Variants in ADGRL3 observed in about 807,000 individuals in gnomAD.
ADGRL3 encodes the protein adhesion G protein-coupled receptor L3.
In ADGRL3, 62 loss-of-function variants were observed where a neutral mutation model predicts 153.5. That is an observed-to-expected ratio of 0.40 (90% CI 0.33 to 0.50). The LOEUF (loss-of-function observed/expected upper bound fraction) is 0.50. Among genes scored for constraint, ADGRL3 ranks in the 20% least tolerant of loss-of-function variants. The pLI is 0.47. For synonymous variants in ADGRL3, 710 were observed against 672.5 expected (o/e 1.06, Z -0.86); for missense variants, 1,641 against 1,859.4 (o/e 0.88, Z 2.16).
rs188976532 is a variant in ADGRL3, at chr4:62,058,533, C to A, written c.3815-9633C>A. On this transcript the variant is annotated intron_variant, in intron 25 of 26. Transcript: ENST00000683033. ...ACACTTGGTGTAGAGCAGTGAAAAC[C>A]CCTGTGTATTTCTTTTTCATGATGC... 3.1e-3 allele frequency among the ~76,000 whole-genome samples: 464 copies of A among 151,814 alleles called. 12 individuals carry two copies. The highest frequency in any genetic ancestry group is 5.9e-4 in the Non-Finnish European group (40 of 67,904).
At chr4:61,390,021 A>T (rs994940734) in intron 2 of ADGRL3, among the ~76,000 whole-genome samples, 2 of 152,230 alleles carry the variant, frequency 1.3e-5, no homozygotes, top group African/African-American at 4.8e-5. Flanking sequence ...ATTCATTTTT[A>T]ACAGAATTTT....
intron 2 of ADGRL3, among the ~76,000 whole-genome samples, chr4:61,413,062 C>A (rs1162174569): frequency 6.6e-6 from 1 of 152,114 alleles, no homozygotes; most frequent in Non-Finnish European, 1.5e-5. Flanking sequence ...GAGCTGGTTT[C>A]TTTTCTCACA....
Position 62,070,402 on chromosome 4 carries a change from A to C in ADGRL3, c.4126A>C (p.Ile1376Leu), listed in dbSNP as rs1289508905. 11 of 1,552,020 alleles carry C rather than the reference A, an allele frequency of 7.1e-6. No individual in the cohort carries two copies. The highest frequency in any genetic ancestry group is 9.6e-6 in the Non-Finnish European group (11 of 1,147,054). Reference protein sequence around the residue: ...NLGSGREDDAIVLDDATSFNH... With the variant: ...NLGSGREDDALVLDDATSFNH... ...TGGCAGTGGAAGGGAAGATGATGCC[A>C]TTGTCCTGGATGATGCCACCTCGTT... is the stretch of plus-strand genomic sequence containing the variant. Residue 1376 changes from isoleucine (I) to leucine (L), a missense_variant, in exon 27 of 27, where the codon ATT (isoleucine) becomes CTT (leucine). By Grantham distance (5) the Ile-to-Leu change is conservative (BLOSUM62 2). Coordinates refer to ENST00000683033, the MANE Select transcript of ADGRL3 (RefSeq NM_001387552.1).
chr4:61,630,497 G>A (rs1012485949), intron 5 of ADGRL3, among the ~76,000 whole-genome samples: 10 of 152,142 alleles, frequency 6.6e-5, no homozygotes, highest in Non-Finnish European at 1.2e-4. Flanking sequence ...GCTGTTGGTT[G>A]TTGTTGTTTA....
intron 21 of ADGRL3, among the ~76,000 whole-genome samples, chr4:62,022,080 G>A (rs914688001): frequency 5.3e-5 from 8 of 152,158 alleles, no homozygotes; most frequent in African/African-American, 1.7e-4. Flanking sequence ...TAGCCAAGTT[G>A]TGAATGCAAA....
intron 9 of ADGRL3, among the ~76,000 whole-genome samples, chr4:61,868,366 C>T (rs1245545142): frequency 6.6e-6 from 1 of 151,994 alleles, no homozygotes; most frequent in African/African-American, 2.4e-5. Flanking sequence ...CTCTCTTTCT[C>T]TCATTATTAG....
chr4:61,682,709 A>G (rs1308770230), intron 6 of ADGRL3, among the ~76,000 whole-genome samples: 1 of 151,832 alleles, frequency 6.6e-6, no homozygotes, highest in Admixed American at 6.6e-5. Context: ...CCCAGCAAGT[A>G]TACTTTCTCA....
chr4:61,546,248 C>T (rs1392363078), intron 4 of ADGRL3, among the ~76,000 whole-genome samples: 1 of 152,190 alleles, frequency 6.6e-6, no homozygotes, highest in Non-Finnish European at 1.5e-5. Flanking sequence ...CATTGGTTTA[C>T]AAAGCCCTTG....
intron 8 of ADGRL3, among the ~76,000 whole-genome samples, chr4:61,807,015 A>G (rs959203347): frequency 6.8e-6 from 1 of 147,532 alleles, no homozygotes; most frequent in African/African-American, 2.5e-5. Context: ...AATAATAAAA[A>G]TAAGCATTTT....
intron 4 of ADGRL3, among the ~76,000 whole-genome samples, chr4:61,536,527 C>A (rs537472978): frequency 1.1e-3 from 162 of 152,050 alleles, no homozygotes; most frequent in African/African-American, 3.8e-3. Context: ...TTTGCTAGGT[C>A]TAGTAGTATT....
chr4:61,486,445 G>A (rs2098195057), intron 2 of ADGRL3, among the ~76,000 whole-genome samples: 1 of 152,070 alleles, frequency 6.6e-6, no homozygotes, highest in African/African-American at 2.4e-5. Flanking sequence ...TTATACAGTT[G>A]CCATAGGTGT....
At chr4:61,490,029 G>A (rs957548328) in intron 2 of ADGRL3, among the ~76,000 whole-genome samples, 2 of 151,888 alleles carry the variant, frequency 1.3e-5, no homozygotes, top group Non-Finnish European at 2.9e-5. Flanking sequence ...TCCTATTACT[G>A]TCTACTGCTC....
chr4:61,724,776 T>A (rs907629638), intron 6 of ADGRL3, among the ~76,000 whole-genome samples: 9 of 152,242 alleles, frequency 5.9e-5, no homozygotes, highest in Non-Finnish European at 8.8e-5. Flanking sequence ...CATTTTTTTT[T>A]ATTTCTATTT....
At chr4:61,891,819 A>G (rs780746997) in intron 9 of ADGRL3, among the ~76,000 whole-genome samples, 1 of 152,198 alleles carries the variant, frequency 6.6e-6, no homozygotes, top group East Asian at 1.9e-4. Context: ...TTGCATTTCC[A>G]TGATGAGAAT....
chr4:61,440,592 T>C (rs946469241), intron 2 of ADGRL3, among the ~76,000 whole-genome samples: 3 of 152,146 alleles, frequency 2.0e-5, no homozygotes, highest in Admixed American at 6.5e-5. Flanking sequence ...AAGAACATGA[T>C]TGAGTGTGAT....
At chr4:61,302,950 C>T (rs1356111904) in intron 1 of ADGRL3, among the ~76,000 whole-genome samples, 7 of 152,046 alleles carry the variant, frequency 4.6e-5, no homozygotes, top group Non-Finnish European at 1.0e-4. Flanking sequence ...GTCACTTCAC[C>T]TCATCGGGCT....
chr4:61,332,458 T>C (rs912719837), intron 1 of ADGRL3, among the ~76,000 whole-genome samples: 3 of 152,252 alleles, frequency 2.0e-5, no homozygotes, highest in African/African-American at 4.8e-5. Flanking sequence ...AAAAATGATA[T>C]ACCTTCTTTG....
chr4:61,784,069 G>A (rs1023568851), intron 8 of ADGRL3, among the ~76,000 whole-genome samples: 4 of 152,084 alleles, frequency 2.6e-5, no homozygotes, highest in Non-Finnish European at 4.4e-5. Context: ...AGCCTAGAAA[G>A]TAGTCTTATG....
intron 4 of ADGRL3, among the ~76,000 whole-genome samples, chr4:61,559,359 T>C (rs2098784217): frequency 6.6e-6 from 1 of 152,136 alleles, no homozygotes; most frequent in African/African-American, 2.4e-5. Flanking sequence ...TTGTGGATGA[T>C]TTGAATATCT....
Sources: allele counts gnomAD v4.1 joint callset (sites outside exome capture counted in the v4.1 genomes callset), GRCh38; gene constraint gnomAD v4.1.1; transcripts MANE v1.5; gene names NCBI Gene and HGNC (gene_info 2026-07-23, HGNC 2026-07-21).